Variants in ABCC1 observed in about 807,000 individuals in gnomAD.
The protein encoded by ABCC1 is ATP binding cassette subfamily C member 1 (ABCC1 blood group), also known as multidrug resistance-associated protein 1.
ABCC1 carries 83 observed loss-of-function variants against 172.9 expected under a neutral mutation model. The observed-to-expected ratio is 0.48, with a 90% CI of 0.40 to 0.58. The LOEUF (loss-of-function observed/expected upper bound fraction) is 0.58. Ranked by LOEUF, ABCC1 falls within the 20% of genes least tolerant of loss-of-function variation. The pLI is 0.00. For missense variants in ABCC1, 1,817 were observed against 2,002.7 expected (o/e 0.91, Z 1.77); for synonymous variants, 937 against 825.2 (o/e 1.14, Z -2.32).
intron 1 of ABCC1, among the ~76,000 whole-genome samples, chr16:15,982,825 G>A (rs12917672): frequency 0.41 from 23,888 of 58,708 alleles, 3,030 homozygotes; most frequent in African/African-American, 0.51. Flanking sequence ...AAAAAAAAAA[G>A]GAAATCCATT....
At chr16:15,998,621 G>A (rs999979878) in intron 1 of ABCC1, among the ~76,000 whole-genome samples, 3 of 152,178 alleles carry the variant, frequency 2.0e-5, no homozygotes, top group African/African-American at 2.4e-5. Flanking sequence ...GCCGCCCTTT[G>A]GGTCTGGGCT....
At chr16:16,085,215 T>A (rs1458335685) in intron 17 of ABCC1, among the ~76,000 whole-genome samples, 1 of 152,146 alleles carries the variant, frequency 6.6e-6, no homozygotes, top group Non-Finnish European at 1.5e-5. Flanking sequence ...TCCCAGGTTT[T>A]CCTGCTGCTT....
intron 8 of ABCC1, among the ~76,000 whole-genome samples, chr16:16,045,468 A>G (rs1016929264): frequency 1.3e-5 from 2 of 151,930 alleles, no homozygotes; most frequent in African/African-American, 4.8e-5. Flanking sequence ...GGAGTCAGAA[A>G]GGAAGTTGCC....
At chr16:16,013,392 T>C (rs1166372423) in intron 3 of ABCC1, among the ~76,000 whole-genome samples, 1 of 152,026 alleles carries the variant, frequency 6.6e-6, no homozygotes, top group African/African-American at 2.4e-5. Flanking sequence ...TGCCTCAGCT[T>C]CCCAGCTAGC....
At chr16:15,992,555 C>A (rs999171740) in intron 1 of ABCC1, among the ~76,000 whole-genome samples, 1 of 152,206 alleles carries the variant, frequency 6.6e-6, no homozygotes, top group Non-Finnish European at 1.5e-5. Context: ...ACAATGGCAC[C>A]GTGCCTGGCT....
At chr16:16,072,010 C>T (rs930590374) in intron 14 of ABCC1, among the ~76,000 whole-genome samples, 1 of 152,078 alleles carries the variant, frequency 6.6e-6, no homozygotes, top group Non-Finnish European at 1.5e-5. Context: ...GAGGCTTCCC[C>T]GTGGGAGTCA....
At chr16:16,067,448 A>C (rs2050154035) in intron 12 of ABCC1, among the ~76,000 whole-genome samples, 1 of 152,196 alleles carries the variant, frequency 6.6e-6, no homozygotes, top group Admixed American at 6.5e-5. Flanking sequence ...ACAAGAAATA[A>C]AAACAGCTGC....
Position 16,124,931 on chromosome 16 carries a change from C to T in ABCC1, c.3717+16C>T, listed in dbSNP as rs2045367430. 1 of 1,614,012 alleles carries T rather than the reference C, an allele frequency of 6.2e-7. No homozygotes were observed. The highest frequency in any genetic ancestry group is 8.5e-7 in the Non-Finnish European group (1 of 1,180,032). On this transcript the variant is annotated intron_variant, in intron 25 of 30. Transcript: ENST00000399410. ...CTCATTGCAGGTAAGAGGGGATGCT[C>T]TTGGCTGGATTATTAAAGTCTGTTA...
Position 16,106,744 on chromosome 16 carries a change from C to G in ABCC1, c.2742C>G (p.Leu914=), listed in dbSNP as rs749142853. The change falls in exon 21 of 31, where the codon CTC becomes CTG. Residue 914 remains leucine, a synonymous_variant. Transcript: ENST00000399410. ...TTGTGCTTTGCTTCTCCAGACAGCT[C>G]AGCAGCTCCTCCTCCTATAGTGGGG... The part of the protein sequence containing the change: ...DSAGKQLQRQ[L]SSSSSYSGDI... 2 of 1,614,020 alleles carry G rather than the reference C, an allele frequency of 1.2e-6. No individual in the cohort carries two copies.
chr16:16,108,375 A>G (rs1005456472), intron 21 of ABCC1, among the ~76,000 whole-genome samples: 1 of 146,088 alleles, frequency 6.8e-6, no homozygotes, highest in Non-Finnish European at 1.5e-5. Flanking sequence ...GGTTCAAGCA[A>G]TTTACCTGCC....
intron 30 of ABCC1, among the ~76,000 whole-genome samples, chr16:16,139,634 A>G (rs1218171050): frequency 1.3e-5 from 2 of 151,072 alleles, no homozygotes; most frequent in Non-Finnish European, 2.9e-5. Flanking sequence ...AAAAAAAAAA[A>G]GAATATAATC....
At chr16:16,106,682 T>C in intron 20 of ABCC1, 56 bp from the exon 21 acceptor site, 1 of 1,610,264 alleles carries the variant, frequency 6.2e-7, no homozygotes, top group East Asian at 2.2e-5. Context: ...CAGGGAGCCC[T>C]CCGACCCTGC....
At position 16,098,984 on chromosome 16, in the gene ABCC1, G is replaced by C. The variant is rs77763349; in HGVS notation, c.2645-3643G>C. The C allele has an allele frequency of 8.6e-4, 1,050 of 1,226,472 alleles. 12 individuals carry two copies. The East Asian group carries it at 0.016, about 18-fold the overall frequency. 76.0% of individuals were successfully genotyped at this position (1,226,472 alleles called of 1,614,324 possible). On this transcript the variant is annotated intron_variant, in intron 19 of 30. Coordinates refer to ENST00000399410, the MANE Select transcript of ABCC1 (RefSeq NM_004996.4). The stretch of plus-strand genomic sequence containing the variant: ...CCGAGACTGTCGCTGCATGTCTGGG[G>C]AGGTGCCGTCAGATGTCTGTGTTTT...
intron 1 of ABCC1, among the ~76,000 whole-genome samples, chr16:16,002,759 G>C (rs7195265): frequency 0.56 from 82,162 of 147,894 alleles, 22,980 homozygotes; most frequent in Non-Finnish European, 0.61. Context: ...GCAACAGAGT[G>C]AGACCTTGTC....
chr16:16,003,942 G>C (rs1193538473), intron 1 of ABCC1, among the ~76,000 whole-genome samples: 1 of 103,642 alleles, frequency 9.6e-6, no homozygotes, highest in African/African-American at 2.8e-5. Context: ...GGATGAATTG[G>C]TTGGGGGGGG....
intron 19 of ABCC1, among the ~76,000 whole-genome samples, chr16:16,102,249 C>G (rs1430375602): frequency 6.6e-6 from 1 of 152,206 alleles, no homozygotes; most frequent in Non-Finnish European, 1.5e-5. Flanking sequence ...GGGCTATGCC[C>G]TTTCCCTCAT....
intron 23 of ABCC1, among the ~76,000 whole-genome samples, chr16:16,119,181 C>T (rs898352550): frequency 9.2e-5 from 14 of 152,164 alleles, no homozygotes; most frequent in African/African-American, 3.4e-4. Context: ...TGGCTCATGC[C>T]TTTAATCCCA....
intron 28 of ABCC1, 145 bp downstream of exon 28, chr16:16,134,653 CT>C (rs2045848345): frequency 3.5e-6 from 3 of 857,608 alleles, no homozygotes; most frequent in African/African-American, 5.0e-5. Flanking sequence ...TTTTTTTTTC[CT>C]GAAACAGGGT....
At chr16:16,113,866 T>C (rs1245804071) in intron 22 of ABCC1, among the ~76,000 whole-genome samples, 1 of 152,146 alleles carries the variant, frequency 6.6e-6, no homozygotes, top group Non-Finnish European at 1.5e-5. Flanking sequence ...TTAGTTAGAT[T>C]ATCAGAAGAA....
Sources: allele counts gnomAD v4.1 joint callset (sites outside exome capture counted in the v4.1 genomes callset), GRCh38; gene constraint gnomAD v4.1.1; transcripts MANE v1.5; gene names NCBI Gene and HGNC (gene_info 2026-07-23, HGNC 2026-07-21).